The following ARHGAP42 variants were observed in gnomAD, a reference collection of about 807,000 sequenced individuals.
The protein encoded by ARHGAP42 is Rho GTPase activating protein 42, also known as rho GTPase-activating protein 42.
In ARHGAP42, 63 loss-of-function variants were observed where a neutral mutation model predicts 125.0. That is an observed-to-expected ratio of 0.50 (90% confidence interval 0.41 to 0.62). The LOEUF is 0.62. Ranked by LOEUF, ARHGAP42 falls within the 20% of genes least tolerant of loss-of-function variation. ARHGAP42 has a pLI of 0.00. For synonymous variants in ARHGAP42, 339 were observed against 351.0 expected (o/e 0.97, Z 0.38); for missense variants, 766 against 1,024.2 (o/e 0.75, Z 3.44).
chr11:100,752,006 C>G (rs1167974354), intron 1 of ARHGAP42, among the ~76,000 whole-genome samples: 3 of 152,026 alleles, frequency 2.0e-5, no homozygotes, highest in Non-Finnish European at 4.4e-5. Flanking sequence ...TCTGGAACTC[C>G]TGGCCTCAGA....
At chr11:100,972,309 A>G (rs1012698875) in intron 17 of ARHGAP42, among the ~76,000 whole-genome samples, 3 of 152,238 alleles carry the variant, frequency 2.0e-5, no homozygotes, top group Non-Finnish European at 4.4e-5. Context: ...CAAATGAGGT[A>G]TCCTCTAAAG....
At chr11:100,891,845 G>A (rs553593343) in intron 4 of ARHGAP42, among the ~76,000 whole-genome samples, 1 of 152,134 alleles carries the variant, frequency 6.6e-6, no homozygotes, top group Non-Finnish European at 1.5e-5. Context: ...GTGCCTTGTG[G>A]ACATAAAGGG....
intron 4 of ARHGAP42, among the ~76,000 whole-genome samples, chr11:100,876,278 C>A (rs2135168221): frequency 6.6e-6 from 1 of 152,238 alleles, no homozygotes; most frequent in South Asian, 2.1e-4. Context: ...TTCATGGAAA[C>A]CTTTTACCTT....
At position 100,976,978 on chromosome 11, in the gene ARHGAP42, G is replaced by C. The variant is rs1858409736; in HGVS notation, c.2393+7G>C. The C allele has an allele frequency of 6.4e-7, 1 of 1,551,090 alleles. No homozygotes were observed. The highest frequency in any genetic ancestry group is 1.2e-5 in the South Asian group (1 of 84,038). On this transcript the variant is annotated splice_region_variant and intron_variant, in intron 21 of 23. Coordinates refer to ENST00000298815, the MANE Select transcript of ARHGAP42 (RefSeq NM_152432.4). ...ATCAGCGGCCTGGCTCAGTGTAAGT[G>C]AGCGTTTGTATATTTGCTGTGTCTC...
chr11:100,938,595 A>G (rs368962278), intron 8 of ARHGAP42, among the ~76,000 whole-genome samples: 2 of 152,144 alleles, frequency 1.3e-5, no homozygotes, highest in Non-Finnish European at 2.9e-5. Flanking sequence ...AGCCATCACC[A>G]CACTACAACA....
intron 1 of ARHGAP42, among the ~76,000 whole-genome samples, chr11:100,737,940 T>C (rs1353097550): frequency 1.3e-5 from 2 of 152,220 alleles, no homozygotes; most frequent in Non-Finnish European, 1.5e-5. Flanking sequence ...CATTTCTTTT[T>C]TTCATCAAGA....
intron 2 of ARHGAP42, 69 bp downstream of exon 2, chr11:100,770,507 C>A: frequency 9.6e-7 from 1 of 1,040,762 alleles, no homozygotes; most frequent in Non-Finnish European, 1.4e-6. Flanking sequence ...AGACACACAC[C>A]TAAATAATAA....
At chr11:100,871,057 T>G (rs1016654088) in intron 4 of ARHGAP42, among the ~76,000 whole-genome samples, 2 of 152,234 alleles carry the variant, frequency 1.3e-5, no homozygotes, top group African/African-American at 2.4e-5. Context: ...CATTTGAATT[T>G]TAAGTGTTTT....
intron 3 of ARHGAP42, among the ~76,000 whole-genome samples, 168 bp downstream of exon 3, chr11:100,795,334 T>C (rs950702230): frequency 1.2e-4 from 18 of 152,246 alleles, no homozygotes; most frequent in African/African-American, 4.3e-4. Flanking sequence ...TATCATATAT[T>C]GCTGATAAGA....
intron 1 of ARHGAP42, among the ~76,000 whole-genome samples, chr11:100,702,671 CTTTTT>C (rs200179100): frequency 2.2e-5 from 3 of 133,848 alleles, no homozygotes; most frequent in Non-Finnish European, 1.6e-5. Context: ...TATTTGTGTT[CTTTTT>C]TTTTTTTTTT....
At chr11:100,726,624 A>G (rs890233355) in intron 1 of ARHGAP42, among the ~76,000 whole-genome samples, 1 of 152,240 alleles carries the variant, frequency 6.6e-6, no homozygotes, top group African/African-American at 2.4e-5. Context: ...TCTGTTTGCA[A>G]AAGAAAGTCA....
At chr11:100,827,512 C>A (rs796595938) in intron 3 of ARHGAP42, among the ~76,000 whole-genome samples, 2 of 152,264 alleles carry the variant, frequency 1.3e-5, no homozygotes, top group Admixed American at 6.5e-5. Context: ...ATCCCAAGGG[C>A]CTGTTGGTGA....
intron 3 of ARHGAP42, among the ~76,000 whole-genome samples, chr11:100,827,466 A>G (rs111722892): frequency 0.012 from 1,876 of 152,332 alleles, 31 homozygotes; most frequent in African/African-American, 0.039. Context: ...CACAACTTGC[A>G]GCAGGTGGCT....
At chr11:100,807,049 T>C (rs967924797) in intron 3 of ARHGAP42, among the ~76,000 whole-genome samples, 1 of 152,100 alleles carries the variant, frequency 6.6e-6, no homozygotes, top group African/African-American at 2.4e-5. Flanking sequence ...GGTTTCACCG[T>C]GTTGGCCAGG....
intron 3 of ARHGAP42, chr11:100,839,559 G>A (rs1864893909): frequency 6.6e-6 from 1 of 152,228 alleles, no homozygotes; most frequent in East Asian, 1.9e-4. Flanking sequence ...GGCAGAGTTG[G>A]ATACCACTGC....
intron 3 of ARHGAP42, among the ~76,000 whole-genome samples, chr11:100,834,810 C>A (rs1197177461): frequency 6.7e-6 from 1 of 149,578 alleles, no homozygotes; most frequent in Non-Finnish European, 1.5e-5. Flanking sequence ...TTATGGGGCC[C>A]CCTTCTGCTT....
chr11:100,865,016 A>G (rs567040767), intron 4 of ARHGAP42, among the ~76,000 whole-genome samples: 1 of 152,284 alleles, frequency 6.6e-6, no homozygotes, highest in South Asian at 2.1e-4. Flanking sequence ...TTTATTTTTA[A>G]TAAGACGTTA....
At chr11:100,746,886 G>A (rs1862319874) in intron 1 of ARHGAP42, among the ~76,000 whole-genome samples, 1 of 152,166 alleles carries the variant, frequency 6.6e-6, no homozygotes, top group South Asian at 2.1e-4. Flanking sequence ...GGTAGGGATC[G>A]ATCCAGGAAA....
chr11:100,862,651 A>G (rs187883546), intron 4 of ARHGAP42, among the ~76,000 whole-genome samples: 33 of 152,214 alleles, frequency 2.2e-4, no homozygotes, highest in African/African-American at 7.5e-4. Flanking sequence ...GATTCTGTGT[A>G]TTTTATCTGT....
Sources: allele counts gnomAD v4.1 joint callset (sites outside exome capture counted in the v4.1 genomes callset), GRCh38; gene constraint gnomAD v4.1.1; transcripts MANE v1.5; gene names NCBI Gene and HGNC (gene_info 2026-07-23, HGNC 2026-07-21).